Variants in FER observed in about 807,000 individuals in gnomAD.
The protein encoded by FER is tyrosine-protein kinase Fer.
Under a neutral mutation model 111.0 loss-of-function variants are expected in FER, and 63 were observed. The observed-to-expected ratio is 0.57, with a 90% CI of 0.46 to 0.70. FER has a LOEUF of 0.70. Ranked by LOEUF, FER falls within the 30% of genes least tolerant of loss-of-function variation. FER has a pLI of 0.00. For synonymous variants in FER, 327 were observed against 313.9 expected, an observed-to-expected ratio of 1.04 and a Z score of -0.44; for missense variants, 914 against 954.0, an observed-to-expected ratio of 0.96 and a Z score of 0.55.
chr5:109,159,647 CAGT>C (rs1222784904), intron 17 of FER, among the ~76,000 whole-genome samples: 7 of 152,152 alleles, frequency 4.6e-5, no homozygotes, highest in African/African-American at 9.7e-5. Flanking sequence ...TAAACACTGT[CAGT>C]AGAATCCTCT....
At chr5:109,045,904 C>T (rs1290254196) in intron 15 of FER, among the ~76,000 whole-genome samples, 1 of 152,174 alleles carries the variant, frequency 6.6e-6, no homozygotes, top group Non-Finnish European at 1.5e-5. Flanking sequence ...TGCCAGTCAG[C>T]CCTATTTGTT....
chr5:108,971,272 C>CAAAAAAAAA (rs201694196), intron 13 of FER, among the ~76,000 whole-genome samples: 8 of 76,356 alleles, frequency 1.0e-4, no homozygotes, highest in African/African-American at 2.8e-4. Flanking sequence ...GAACCTGTCT[C>CAAAAAAAAA]AAAAAAAAAA....
chr5:108,855,399 G>T (rs963643274), intron 5 of FER, among the ~76,000 whole-genome samples: 1 of 152,060 alleles, frequency 6.6e-6, no homozygotes, highest in Non-Finnish European at 1.5e-5. Context: ...TTGGGAGGCC[G>T]AGGCGGGCAG....
At chr5:108,890,709 G>A (rs181751019) in intron 9 of FER, among the ~76,000 whole-genome samples, 1 of 152,138 alleles carries the variant, frequency 6.6e-6, no homozygotes, top group East Asian at 1.9e-4. Context: ...TGAGATTTCA[G>A]GCATTAGGAC....
chr5:109,077,475 T>C (rs574055040), intron 16 of FER, among the ~76,000 whole-genome samples: 11 of 152,322 alleles, frequency 7.2e-5, no homozygotes, highest in African/African-American at 1.9e-4. Flanking sequence ...ATCTTATTAA[T>C]GAAAATTACT....
intron 17 of FER, among the ~76,000 whole-genome samples, chr5:109,120,692 T>A (rs1387959145): frequency 1.3e-5 from 2 of 152,050 alleles, no homozygotes; most frequent in Non-Finnish European, 2.9e-5. Context: ...TGCTTTGGGT[T>A]GTATGGACTT....
chr5:109,178,445 CAT>C (rs150745189), intron 17 of FER, among the ~76,000 whole-genome samples: 1,842 of 152,268 alleles, frequency 0.012, 49 homozygotes, highest in African/African-American at 0.042. Context: ...AGCTATAAAA[CAT>C]AGATATTACT....
At chr5:109,181,195 C>T (rs1404666177) in intron 18 of FER, among the ~76,000 whole-genome samples, 3 of 152,182 alleles carry the variant, frequency 2.0e-5, no homozygotes, top group South Asian at 2.1e-4. Flanking sequence ...ACAGAGTAAG[C>T]GTTGTTGTGG....
At chr5:109,156,801 G>A (rs887295776) in intron 17 of FER, among the ~76,000 whole-genome samples, 2 of 152,038 alleles carry the variant, frequency 1.3e-5, no homozygotes, top group African/African-American at 4.8e-5. Flanking sequence ...AGTATGCATA[G>A]CATGTAACCA....
At chr5:108,893,729 G>A (rs1239860186) in intron 9 of FER, among the ~76,000 whole-genome samples, 1 of 151,974 alleles carries the variant, frequency 6.6e-6, no homozygotes, top group Non-Finnish European at 1.5e-5. Flanking sequence ...AACTGTGTGG[G>A]GCAAGCAAAA....
chr5:108,877,754 G>A (rs1023133505), intron 8 of FER, among the ~76,000 whole-genome samples: 12 of 152,008 alleles, frequency 7.9e-5, no homozygotes, highest in African/African-American at 2.9e-4. Flanking sequence ...AAGTTAAGAT[G>A]GTTTGTCAAG....
At chr5:109,004,558 T>C (rs1313593519) in intron 13 of FER, among the ~76,000 whole-genome samples, 1 of 152,202 alleles carries the variant, frequency 6.6e-6, no homozygotes, top group Non-Finnish European at 1.5e-5. Flanking sequence ...TGGATTAATG[T>C]CATGGTAATA....
chr5:109,186,011 T>C (rs1348999321), intron 18 of FER, among the ~76,000 whole-genome samples, 189 bp from the exon 19 acceptor site: 1 of 152,216 alleles, frequency 6.6e-6, no homozygotes, highest in East Asian at 1.9e-4. Flanking sequence ...GACATTACCA[T>C]GGCTACCACA....
chr5:108,862,107 A>C (rs747295901), intron 5 of FER, among the ~76,000 whole-genome samples: 5 of 152,146 alleles, frequency 3.3e-5, no homozygotes, highest in Non-Finnish European at 7.4e-5. Flanking sequence ...TTTAAACCTG[A>C]AAGTGGTTTT....
At chr5:109,052,987 C>G (rs377213393) in intron 16 of FER, among the ~76,000 whole-genome samples, 46 of 152,314 alleles carry the variant, frequency 3.0e-4, no homozygotes, top group South Asian at 1.5e-3. Flanking sequence ...CATCATGCTT[C>G]AGTCATTTGG....
chr5:108,830,159 T>G (rs1332847092), intron 3 of FER, among the ~76,000 whole-genome samples: 1 of 152,158 alleles, frequency 6.6e-6, no homozygotes, highest in Non-Finnish European at 1.5e-5. Flanking sequence ...TTATAAGTCT[T>G]AGAAGGAGTT....
intron 10 of FER, among the ~76,000 whole-genome samples, chr5:108,914,613 C>T (rs1398383488): frequency 6.6e-6 from 1 of 152,074 alleles, no homozygotes; most frequent in East Asian, 1.9e-4. Context: ...TAATATGTAC[C>T]TCAATTCAGG....
At position 109,107,577 on chromosome 5, in the gene FER, T is replaced by C. The variant is rs576839389; in HGVS notation, c.2048+7058T>C. ...TAGCTCACACTTATAAGTGAGAATA[T>C]GCAATATTTGGTTGTTCCTGTGTTA... On this transcript the variant is annotated intron_variant, in intron 17 of 19. Coordinates refer to ENST00000281092, the MANE Select transcript of FER (RefSeq NM_005246.4). 5.9e-5 allele frequency among the ~76,000 whole-genome samples: 9 copies of C among 152,228 alleles called. No individual in the cohort carries two copies. In the South Asian group the frequency reaches 1.7e-3, roughly 28 times the overall value.
At position 108,883,508 on chromosome 5, in the gene FER, A is replaced by G. The variant is rs1292920804; in HGVS notation, c.1036A>G (p.Lys346Glu). The G allele has an allele frequency of 1.2e-6, 2 of 1,602,024 alleles. No homozygotes were observed. Among genetic ancestry groups the G allele is most frequent in the East Asian group, 4.5e-5 (2 of 44,524 alleles). Residue 346 changes from lysine (K) to glutamate (E), a missense_variant, in exon 9 of 20, where the codon AAG becomes GAG. Physicochemically the swap from Lys to Glu is moderately conservative, Grantham distance 56. Coordinates refer to ENST00000281092, the MANE Select transcript of FER (RefSeq NM_005246.4). ...TGAAGAATCTTCTGAAACTTGTGAG[A>G]AGAAGTCTGAGTGAGTAAAAGAGAA... is the stretch of plus-strand genomic sequence containing the variant. Reference protein sequence around the residue: ...RIEESSETCEKKSDIVLLLSQ... With the variant: ...RIEESSETCEEKSDIVLLLSQ...
Sources: gnomAD v4.1 joint callset for allele counts (sites outside exome capture counted in the v4.1 genomes callset) on GRCh38, gnomAD v4.1.1 for gene constraint, MANE v1.5 for transcripts, NCBI Gene and HGNC (gene_info 2026-07-23, HGNC 2026-07-21) for gene names.